The following BPHL variants were observed in gnomAD, a reference collection of about 807,000 sequenced individuals.
BPHL encodes biphenyl hydrolase like.
BPHL carries 27 observed loss-of-function variants against 31.2 expected under a neutral mutation model. That is an observed-to-expected ratio of 0.87 (90% CI 0.64 to 1.19). BPHL has a LOEUF of 1.19. Among genes scored for constraint, BPHL ranks in the 50% most tolerant of loss-of-function variants. The pLI is 0.00. For missense variants in BPHL, 356 were observed against 375.7 expected (o/e 0.95, Z 0.43); for synonymous variants, 150 against 146.8 (o/e 1.02, Z -0.16).
At chr6:3,120,263 G>T (rs577401059) in intron 1 of BPHL, among the ~76,000 whole-genome samples, 1 of 152,264 alleles carries the variant, frequency 6.6e-6, no homozygotes, top group South Asian at 2.1e-4. Flanking sequence ...TCGAACTCTT[G>T]ACCTCAAATG....
At chr6:3,131,319 A>G (rs1761861188) in intron 4 of BPHL, among the ~76,000 whole-genome samples, 1 of 151,542 alleles carries the variant, frequency 6.6e-6, no homozygotes, top group South Asian at 2.1e-4. Context: ...CATAATCACT[A>G]TCTCAGTTCA....
chr6:3,125,013 C>T (rs968551425), intron 2 of BPHL, among the ~76,000 whole-genome samples: 4 of 151,838 alleles, frequency 2.6e-5, no homozygotes, highest in Non-Finnish European at 4.4e-5. Flanking sequence ...TTCGGTATTG[C>T]AGTCATTGTC....
intron 2 of BPHL, 32 bp from the exon 3 acceptor site, chr6:3,127,210 T>C: frequency 6.9e-7 from 1 of 1,446,122 alleles, no homozygotes; most frequent in Non-Finnish European, 9.3e-7. Flanking sequence ...GTGAAAGCGA[T>C]CACCTGAGGG....
rs1394402382 is a variant in BPHL at position 3,152,938 on chromosome 6, G to A, written c.*363G>A. On this transcript the variant is annotated 3_prime_UTR_variant, in exon 7 of 7. Transcript: ENST00000380379. Reference sequence around the variant, plus strand: ...TCCCAGGTGCTCAGGAAGCTGAGGTGGGAGGATCACTTGAGCCCAATTCAA... The same window carrying A: ...TCCCAGGTGCTCAGGAAGCTGAGGTAGGAGGATCACTTGAGCCCAATTCAA... 1 of 164,586 alleles carries A rather than the reference G, an allele frequency of 6.1e-6. No individual in the cohort carries two copies. Among genetic ancestry groups the A allele is most frequent in the Admixed American group, 6.4e-5 (1 of 15,702 alleles). The allele number at this position is 164,586 out of a possible 1,614,324, so 10.2% of individuals were successfully genotyped here.
rs1285857584 is a variant in BPHL, at chr6:3,127,428, G to GC, written c.378+22dup. 1 of 1,535,284 alleles carries GC rather than the reference G, an allele frequency of 6.5e-7. No individual in the cohort carries two copies. Among genetic ancestry groups the GC allele is most frequent in the Admixed American group, 1.9e-5 (1 of 51,934 alleles). ...ATGAAGGTAGGTCTCTGAGGGAAGG[G>GC]CCAGGGGAGGAAGGGTGGCTGGGCC... On this transcript the variant is annotated intron_variant, in intron 3 of 6. Coordinates refer to ENST00000380379, the MANE Select transcript of BPHL (RefSeq NM_004332.4).
At chr6:3,124,675 G>A (rs1407228469) in intron 2 of BPHL, among the ~76,000 whole-genome samples, 5 of 152,110 alleles carry the variant, frequency 3.3e-5, no homozygotes, top group East Asian at 3.8e-4. Context: ...AAGGAAAAAC[G>A]TCTGTACATG....
chr6:3,125,389 A>AT (rs1242446097), intron 2 of BPHL, among the ~76,000 whole-genome samples: 4 of 149,084 alleles, frequency 2.7e-5, no homozygotes, highest in African/African-American at 1.0e-4. Flanking sequence ...TGATTCCAAT[A>AT]TTAAAAAAAA....
intron 6 of BPHL, among the ~76,000 whole-genome samples, chr6:3,146,589 T>C (rs1437768417): frequency 6.0e-5 from 3 of 49,714 alleles, no homozygotes; most frequent in African/African-American, 1.6e-4. Context: ...AGTACTGGTT[T>C]GGGTTCGGGG....
At chr6:3,123,531 C>T (rs370355085) in intron 1 of BPHL, 126 bp from the exon 2 acceptor site, 104 of 654,948 alleles carry the variant, frequency 1.6e-4, no homozygotes, top group Non-Finnish European at 2.5e-4. Context: ...TATTGTTAGC[C>T]GTAGTCATCC....
intron 2 of BPHL, among the ~76,000 whole-genome samples, chr6:3,124,513 A>C (rs1761662031): frequency 1.3e-5 from 2 of 152,202 alleles, no homozygotes; most frequent in Admixed American, 1.3e-4. Context: ...GAGGATCCTC[A>C]AGTCCCTGAT....
At chr6:3,151,871 C>A (rs547963480) in intron 6 of BPHL, among the ~76,000 whole-genome samples, 1 of 152,228 alleles carries the variant, frequency 6.6e-6, no homozygotes, top group South Asian at 2.1e-4. Context: ...GCTGCAGCAG[C>A]GGCTCCTGGA....
chr6:3,131,440 A>G (rs1761864742), intron 4 of BPHL, among the ~76,000 whole-genome samples: 2 of 152,094 alleles, frequency 1.3e-5, no homozygotes, highest in African/African-American at 2.4e-5. Flanking sequence ...TTGAACTGTG[A>G]TGCTTTCTGT....
At chr6:3,124,699 C>T (rs1474262725) in intron 2 of BPHL, among the ~76,000 whole-genome samples, 2 of 152,096 alleles carry the variant, frequency 1.3e-5, no homozygotes, top group East Asian at 3.8e-4. Flanking sequence ...AGTACAGACC[C>T]AACCACCCAT....
chr6:3,142,606 T>C (rs912874014), intron 6 of BPHL, among the ~76,000 whole-genome samples: 8 of 152,164 alleles, frequency 5.3e-5, no homozygotes, highest in Non-Finnish European at 1.2e-4. Flanking sequence ...GGCTGAGAGA[T>C]GTTAAGCAAT....
Position 3,152,856 on chromosome 6 carries a change from G to A in BPHL, c.*281G>A, listed in dbSNP as rs146883942. Reference sequence around the variant, plus strand: ...AGCTTGTGCAATATAGGGAGACTCCGGCTCTACAAAAAAGAGTTTTTCAAA... The same window carrying A: ...AGCTTGTGCAATATAGGGAGACTCCAGCTCTACAAAAAAGAGTTTTTCAAA... On this transcript the variant is annotated 3_prime_UTR_variant, in exon 7 of 7. Transcript: ENST00000380379. 5 of 242,610 alleles carry A rather than the reference G, an allele frequency of 2.1e-5. No homozygotes were observed. Among genetic ancestry groups the A allele is most frequent in the Non-Finnish European group, 3.2e-5 (4 of 126,896 alleles). The allele number at this position is 242,610 out of a possible 1,614,324, so 15.0% of individuals were successfully genotyped here.
chr6:3,118,779 G>A lies in BPHL; in HGVS notation c.39G>A (p.Leu13=), dbSNP rs1335280500. ...AVLGGRGVLR[L]RLLLSALKPG... ...TGGGCGGCCGGGGCGTGTTGCGCCT[G>A]CGGCTGCTTCTCTCAGCGCTGAAGC... The change falls in exon 1 of 7, where the codon CTG becomes CTA. Residue 13 remains leucine, a synonymous_variant. Coordinates refer to ENST00000380379, the MANE Select transcript of BPHL (RefSeq NM_004332.4). The A allele has an allele frequency of 2.0e-5, 25 of 1,252,566 alleles. No individual in the cohort carries two copies. In the East Asian group the frequency reaches 7.2e-4, roughly 36 times the overall value. The allele number at this position is 1,252,566 out of a possible 1,614,324, so 77.6% of individuals were successfully genotyped here.
rs895946087 is a variant in BPHL, at chr6:3,127,484, GT to G, written c.378+78del. 142 of 1,284,892 alleles carry G rather than the reference GT, an allele frequency of 1.1e-4. No homozygotes were observed. In the African/African-American group the frequency reaches 2.0e-3, roughly 18 times the overall value. The allele number at this position is 1,284,892 out of a possible 1,614,324, so 79.6% of individuals were successfully genotyped here. ...TCATTTATTTTGTTTAAATTTTGTT[GT>G]TATATTTTTCTACAAAATAATACCA... is the stretch of plus-strand genomic sequence containing the variant. On this transcript the variant is annotated intron_variant, in intron 3 of 6. Coordinates refer to ENST00000380379, the MANE Select transcript of BPHL (RefSeq NM_004332.4).
At position 3,140,282 on chromosome 6, in the gene BPHL, G is replaced by A; in HGVS notation, c.665-104G>A. ...TCCAAAACACAGTTTTTACGGATAG[G>A]GAAACTGAGGGCCAAGGAGGGGCAG... On this transcript the variant is annotated intron_variant, in intron 5 of 6. Coordinates refer to ENST00000380379, the MANE Select transcript of BPHL (RefSeq NM_004332.4). The surrounding 1 kb of genome is among the most constrained non-coding windows in gnomAD (Gnocchi z 5.2). 2 of 1,445,200 alleles carry A rather than the reference G, an allele frequency of 1.4e-6. No individual in the cohort carries two copies. Among genetic ancestry groups the A allele is most frequent in the African/African-American group, 1.4e-5 (1 of 70,728 alleles). The allele number at this position is 1,445,200 out of a possible 1,614,324, so 89.5% of individuals were successfully genotyped here.
At chr6:3,131,525 C>T (rs1453672863) in intron 4 of BPHL, among the ~76,000 whole-genome samples, 1 of 152,204 alleles carries the variant, frequency 6.6e-6, no homozygotes, top group East Asian at 1.9e-4. Context: ...CCGCTAGCTT[C>T]ATATGGTAGT....
Sources: gnomAD v4.1 joint callset for allele counts (sites outside exome capture counted in the v4.1 genomes callset) on GRCh38, gnomAD v4.1.1 for gene constraint, Gnocchi (gnomAD v3.1) non-coding constraint, MANE v1.5 for transcripts, NCBI Gene and HGNC (gene_info 2026-07-23, HGNC 2026-07-21) for gene names.